Variants in DRD3 observed in about 807,000 individuals in gnomAD.
DRD3 encodes dopamine receptor D3.
A neutral mutation model predicts 36.3 loss-of-function variants in DRD3; 19 were observed. The observed-to-expected ratio is 0.52, with a 90% CI of 0.36 to 0.77. The LOEUF (loss-of-function observed/expected upper bound fraction) is 0.77. Among genes scored for constraint, DRD3 ranks in the 30% least tolerant of loss-of-function variants. DRD3 has a pLI of 0.00. For synonymous variants in DRD3, 195 were observed against 203.7 expected, an observed-to-expected ratio of 0.96 and a Z score of 0.36; for missense variants, 465 against 505.3, an observed-to-expected ratio of 0.92 and a Z score of 0.77.
chr3:114,177,911 A>G (rs982575467), intron 1 of DRD3, among the ~76,000 whole-genome samples: 1 of 152,216 alleles, frequency 6.6e-6, no homozygotes, highest in Non-Finnish European at 1.5e-5. Context: ...CTTCACCTAT[A>G]AAGTGAAATA....
chr3:114,131,478 G>T (rs746864271), intron 5 of DRD3, 78 bp from the exon 6 acceptor site: 6 of 1,514,858 alleles, frequency 4.0e-6, no homozygotes, highest in Non-Finnish European at 5.3e-6. Context: ...AAGGGCCAGA[G>T]AATTCAAAGA....
At chr3:114,156,765 TTC>T (rs1491325964) in intron 3 of DRD3, among the ~76,000 whole-genome samples, 275 of 114,110 alleles carry the variant, frequency 2.4e-3, no homozygotes, top group East Asian at 7.5e-3. Context: ...CTTTCTTTCT[TTC>T]TTTCTTTCTT....
intron 3 of DRD3, among the ~76,000 whole-genome samples, chr3:114,148,496 T>TG (rs1277919047): frequency 6.6e-6 from 1 of 152,204 alleles, no homozygotes; most frequent in East Asian, 1.9e-4. Context: ...GTGTTTTTTT[T>TG]GTGACAATTC....
At chr3:114,181,538 T>C (rs1232076860), upstream of DRD3, among the ~76,000 whole-genome samples, 3 of 152,218 alleles carry the variant, frequency 2.0e-5, no homozygotes, top group Non-Finnish European at 2.9e-5. Flanking sequence ...AACTCCAAGA[T>C]GCCTACAGAA....
intron 1 of DRD3, among the ~76,000 whole-genome samples, chr3:114,194,774 C>A (rs1367962290): frequency 6.6e-6 from 1 of 152,076 alleles, no homozygotes; most frequent in African/African-American, 2.4e-5. Flanking sequence ...CCCTTCCTAC[C>A]ATTGCTTCCT....
intron 3 of DRD3, among the ~76,000 whole-genome samples, chr3:114,156,869 CTT>C (rs1559991314): frequency 4.7e-4 from 3 of 6,432 alleles, no homozygotes; most frequent in East Asian, 0.013. Context: ...TCCTTTCTTT[CTT>C]TTTCTTTCTC....
chr3:114,175,060 G>A (rs1301885234), intron 1 of DRD3, among the ~76,000 whole-genome samples: 1 of 152,112 alleles, frequency 6.6e-6, no homozygotes, highest in East Asian at 1.9e-4. Context: ...TTGTTGAGGA[G>A]GTTGTCCTGT....
At chr3:114,194,872 C>T (rs1170450664) in intron 1 of DRD3, among the ~76,000 whole-genome samples, 1 of 151,510 alleles carries the variant, frequency 6.6e-6, no homozygotes, top group Admixed American at 6.6e-5. Context: ...AAGTCTCCTG[C>T]TGTCAAGTCA....
intron 5 of DRD3, among the ~76,000 whole-genome samples, chr3:114,137,327 G>A (rs576444084): frequency 1.4e-4 from 21 of 152,222 alleles, no homozygotes; most frequent in African/African-American, 5.1e-4. Flanking sequence ...CTGGGCAGGG[G>A]GTGTAGAAGA....
At chr3:114,194,501 T>C (rs1316955458) in intron 1 of DRD3, among the ~76,000 whole-genome samples, 1 of 152,172 alleles carries the variant, frequency 6.6e-6, no homozygotes, top group Non-Finnish European at 1.5e-5. Context: ...CAGGCTGGTC[T>C]TGAACTCCTG....
Position 114,156,927 on chromosome 3 carries a change from C to T in DRD3, c.383+2828G>A, listed in dbSNP as rs796515994. 9.1e-5 allele frequency among the ~76,000 whole-genome samples: 13 copies of T among 143,574 alleles called. No individual in the cohort carries two copies. In the Admixed American group the frequency reaches 9.2e-4, roughly 10 times the overall value. The allele number at this position is 143,574 out of a possible 152,430, so 94.2% of individuals were successfully genotyped here. On this transcript the variant is annotated intron_variant, in intron 3 of 6. Coordinates refer to ENST00000383673, the MANE Select transcript of DRD3 (RefSeq NM_000796.6). ...TCCTTCCTTCTTTCCTTCCTTCCTT[C>T]CTTCTCTTTCTTTCTTTCTTCCTTT...
upstream of DRD3, among the ~76,000 whole-genome samples, chr3:114,181,165 C>G (rs956674505): frequency 1.3e-5 from 2 of 152,160 alleles, no homozygotes; most frequent in African/African-American, 4.8e-5. Flanking sequence ...TAGTGCCTTC[C>G]TTTGGCAAAA....
intron 2 of DRD3, among the ~76,000 whole-genome samples, chr3:114,161,938 ATGTT>A (rs2077737323): frequency 6.6e-6 from 1 of 152,204 alleles, no homozygotes; most frequent in Admixed American, 6.5e-5. Flanking sequence ...TTGTGAGCAC[ATGTT>A]TGTTTGTGTT....
chr3:114,196,372 TGGCATGA>T (rs1370381919), intron 1 of DRD3, among the ~76,000 whole-genome samples: 5 of 152,206 alleles, frequency 3.3e-5, no homozygotes, highest in Non-Finnish European at 7.3e-5. Context: ...TGGAGTGCAA[TGGCATGA>T]TCATAGCTCA....
intron 5 of DRD3, among the ~76,000 whole-genome samples, chr3:114,133,096 T>C (rs1367565478): frequency 6.6e-6 from 1 of 152,102 alleles, no homozygotes; most frequent in Non-Finnish European, 1.5e-5. Context: ...GTTCAAGAGA[T>C]TCTCCTGCCT....
chr3:114,128,569 A>G lies in DRD3; in HGVS notation c.*147T>C. ...TAGAATATTCTGTTTTGGAGGACAC[A>G]TCTGGTTATACCTGACAAGCAGGGA... On this transcript the variant is annotated 3_prime_UTR_variant, in exon 7 of 7. Coordinates refer to ENST00000383673, the MANE Select transcript of DRD3 (RefSeq NM_000796.6). 1.1e-5 allele frequency: 8 copies of G among 719,360 alleles called. No homozygotes were observed. In the South Asian group the frequency reaches 2.6e-4, roughly 24 times the overall value. 44.6% of individuals were successfully genotyped at this position (719,360 alleles called of 1,614,324 possible). A position where few individuals can be genotyped will look rare whatever the true frequency, so the allele number is the denominator to read the frequency against.
chr3:114,139,065 G>A (rs1007406605), intron 5 of DRD3, among the ~76,000 whole-genome samples: 4 of 152,164 alleles, frequency 2.6e-5, no homozygotes, highest in African/African-American at 7.2e-5. Flanking sequence ...CTTGACACAC[G>A]GACAGATCCA....
chr3:114,188,210 C>CTTTTTTTTTTTTTTTT (rs57147337), intron 1 of DRD3, among the ~76,000 whole-genome samples: 1 of 122,890 alleles, frequency 8.1e-6, no homozygotes, highest in South Asian at 2.7e-4. Context: ...CTTTTTTTCC[C>CTTTTTTTTTTTTTTTT]TTTTTTTTTT....
intron 2 of DRD3, among the ~76,000 whole-genome samples, chr3:114,162,894 T>G (rs1229221389): frequency 6.6e-6 from 1 of 152,124 alleles, no homozygotes; most frequent in African/African-American, 2.4e-5. Context: ...AAAGAGACAC[T>G]CTCCTGATTG....
Sources: gnomAD v4.1 joint callset for allele counts (sites outside exome capture counted in the v4.1 genomes callset) on GRCh38, gnomAD v4.1.1 for gene constraint, MANE v1.5 for transcripts, NCBI Gene and HGNC (gene_info 2026-07-23, HGNC 2026-07-21) for gene names.